Variants in ASTN2 observed in about 807,000 individuals in gnomAD.
ASTN2 encodes the protein astrotactin 2.
A neutral mutation model predicts 139.8 loss-of-function variants in ASTN2; 54 were observed. That is an observed-to-expected ratio of 0.39 (90% confidence interval 0.31 to 0.48). The LOEUF is 0.48. Ranked by LOEUF, ASTN2 falls within the 20% of genes least tolerant of loss-of-function variation. The pLI, the probability that ASTN2 is intolerant of heterozygous loss-of-function variation, is 0.95. For synonymous variants in ASTN2, 756 were observed against 719.5 expected, an observed-to-expected ratio of 1.05 and a Z score of -0.81; for missense variants, 1,565 against 1,725.1, an observed-to-expected ratio of 0.91 and a Z score of 1.64.
rs1588226680 is a variant in ASTN2, at chr9:116,704,885, A to G, written c.2806+20886T>C. Among the ~76,000 whole-genome samples, 6 of 152,204 alleles carry G rather than the reference A, an allele frequency of 3.9e-5. No homozygotes were observed. In the South Asian group the frequency reaches 1.2e-3, roughly 32 times the overall value. On this transcript the variant is annotated intron_variant, in intron 16 of 22. Transcript: ENST00000313400. ...CAAGATTTTTTTAAAGATTTTATAT[A>G]TATATGCACTAATATGTAGTACATA... is the stretch of plus-strand genomic sequence containing the variant.
intron 17 of ASTN2, among the ~76,000 whole-genome samples, chr9:116,634,523 G>A: frequency 6.7e-6 from 1 of 148,858 alleles, no homozygotes. Context: ...CCGGGAGGCG[G>A]AGCTTGCAGT....
chr9:117,147,649 G>A (rs1830231134), intron 3 of ASTN2, among the ~76,000 whole-genome samples: 1 of 152,126 alleles, frequency 6.6e-6, no homozygotes, highest in Non-Finnish European at 1.5e-5. Flanking sequence ...GCTAGGTAGG[G>A]AGCCTGGTAT....
chr9:117,214,289 A>T (rs1832235712), intron 3 of ASTN2, 69 bp downstream of exon 3: 1 of 1,502,684 alleles, frequency 6.7e-7, no homozygotes, highest in Non-Finnish European at 9.0e-7. Flanking sequence ...CCAACTGCCC[A>T]GCTTCTGCAC....
At chr9:117,176,018 T>C (rs977058282) in intron 3 of ASTN2, among the ~76,000 whole-genome samples, 26 of 151,696 alleles carry the variant, frequency 1.7e-4, no homozygotes, top group Admixed American at 1.6e-3. Context: ...TAAGGAACAT[T>C]TACTAATCAG....
chr9:116,503,506 C>A (rs927390575), intron 19 of ASTN2, among the ~76,000 whole-genome samples: 3 of 152,038 alleles, frequency 2.0e-5, no homozygotes, highest in Admixed American at 6.6e-5. Context: ...ACTATAAAAG[C>A]GTTTTTAGGC....
intron 13 of ASTN2, among the ~76,000 whole-genome samples, chr9:116,786,839 C>T (rs145651701): frequency 2.6e-5 from 4 of 152,204 alleles, no homozygotes; most frequent in African/African-American, 9.6e-5. Flanking sequence ...ATAATTGAGT[C>T]ATGGGTCCTG....
At chr9:116,687,065 C>T (rs1860266432) in intron 16 of ASTN2, 1 of 1,280,312 alleles carries the variant, frequency 7.8e-7, no homozygotes, top group Admixed American at 3.3e-5. Context: ...TCCTGACTTA[C>T]TGAGTGAACT....
intron 6 of ASTN2, among the ~76,000 whole-genome samples, chr9:117,024,046 C>G (rs957411987): frequency 1.3e-5 from 2 of 152,130 alleles, no homozygotes; most frequent in African/African-American, 2.4e-5. Flanking sequence ...AGAGGAGAAG[C>G]TGAGGCCAAT....
At chr9:117,408,242 T>C (rs1295161758) in intron 1 of ASTN2, among the ~76,000 whole-genome samples, 1 of 152,086 alleles carries the variant, frequency 6.6e-6, no homozygotes, top group Non-Finnish European at 1.5e-5. Context: ...CCCAATGCCT[T>C]CTGTGAGAGG....
chr9:116,913,749 G>A (rs1013940768), intron 10 of ASTN2, among the ~76,000 whole-genome samples: 1 of 152,036 alleles, frequency 6.6e-6, no homozygotes, highest in East Asian at 1.9e-4. Context: ...TGGGAGAGAC[G>A]CAGTTGGAAG....
chr9:116,886,592 C>T (rs116774900), intron 10 of ASTN2, among the ~76,000 whole-genome samples: 3,331 of 152,146 alleles, frequency 0.022, 118 homozygotes, highest in African/African-American at 0.076. Context: ...GTCTTGAAGT[C>T]CTGGCTTCAA....
At chr9:117,193,649 AAAAAAAAG>A (rs1831409197) in intron 3 of ASTN2, among the ~76,000 whole-genome samples, 1 of 151,438 alleles carries the variant, frequency 6.6e-6, no homozygotes, top group Non-Finnish European at 1.5e-5. Flanking sequence ...CAAAAAAAAA[AAAAAAAAG>A]AAAAAGAAAA....
intron 1 of ASTN2, among the ~76,000 whole-genome samples, chr9:117,341,593 C>T (rs904636967): frequency 3.9e-5 from 6 of 152,118 alleles, no homozygotes; most frequent in Non-Finnish European, 8.8e-5. Context: ...AAAGTGGATC[C>T]TTTTATCTGG....
At chr9:116,716,885 C>A (rs763965555) in intron 16 of ASTN2, among the ~76,000 whole-genome samples, 4 of 152,170 alleles carry the variant, frequency 2.6e-5, no homozygotes, top group Non-Finnish European at 4.4e-5. Context: ...TTCCTAATTT[C>A]TTTTACCTGT....
chr9:117,194,171 T>G (rs1489195918), intron 3 of ASTN2, among the ~76,000 whole-genome samples: 1 of 152,062 alleles, frequency 6.6e-6, no homozygotes, highest in Non-Finnish European at 1.5e-5. Context: ...CCTAAAACCC[T>G]CATGTGGGCC....
intron 12 of ASTN2, among the ~76,000 whole-genome samples, chr9:116,809,250 G>A (rs1313350801): frequency 5.9e-5 from 9 of 152,194 alleles, no homozygotes; most frequent in Non-Finnish European, 1.3e-4. Context: ...TAATATGCAT[G>A]GCATTTAGTT....
intron 16 of ASTN2, among the ~76,000 whole-genome samples, chr9:116,660,775 C>G (rs1858512930): frequency 6.6e-6 from 1 of 152,192 alleles, no homozygotes; most frequent in African/African-American, 2.4e-5. Context: ...ACTGTTGAGT[C>G]AGACTACCTG....
intron 5 of ASTN2, among the ~76,000 whole-genome samples, chr9:117,058,997 G>A (rs763839055): frequency 5.3e-5 from 8 of 152,200 alleles, no homozygotes; most frequent in Non-Finnish European, 1.0e-4. Context: ...AATTATGAAA[G>A]AGCAGAGAAA....
At chr9:116,950,997 C>A (rs539345427) in intron 10 of ASTN2, among the ~76,000 whole-genome samples, 1 of 152,008 alleles carries the variant, frequency 6.6e-6, no homozygotes, top group Non-Finnish European at 1.5e-5. Flanking sequence ...GACACAGAAA[C>A]AATGTGGTCA....
Sources: gnomAD v4.1 joint callset for allele counts (sites outside exome capture counted in the v4.1 genomes callset) on GRCh38, gnomAD v4.1.1 for gene constraint, MANE v1.5 for transcripts, NCBI Gene and HGNC (gene_info 2026-07-23, HGNC 2026-07-21) for gene names.